OPCML: variants seen among roughly 807,000 people sequenced by gnomAD.
OPCML encodes the protein opioid binding protein/cell adhesion molecule like, also known as opioid-binding protein/cell adhesion molecule.
Under a neutral mutation model 37.8 loss-of-function variants are expected in OPCML, and 13 were observed. The ratio of observed to expected loss-of-function variants is 0.34; its 90% CI spans 0.22 to 0.55. OPCML has a LOEUF of 0.55. OPCML is among the 20% of genes least tolerant of loss of function. OPCML has a pLI of 0.91. For missense variants in OPCML, 341 were observed against 435.6 expected (o/e 0.78, Z 1.93); for synonymous variants, 176 against 168.8 (o/e 1.04, Z -0.33).
intron 7 of OPCML, among the ~76,000 whole-genome samples, chr11:132,434,090 C>A (rs2096005788): frequency 6.6e-6 from 1 of 152,132 alleles, no homozygotes; most frequent in Admixed American, 6.5e-5. Context: ...ATACTCCCTG[C>A]AACAGCAATC....
At chr11:132,768,090 G>A (rs759433030) in intron 2 of OPCML, among the ~76,000 whole-genome samples, 6 of 152,294 alleles carry the variant, frequency 3.9e-5, no homozygotes, top group East Asian at 1.9e-4. Flanking sequence ...ACACGTACAC[G>A]CTGTGGTATA....
Position 132,543,386 on chromosome 11 carries a change from G to A in OPCML, c.380-14200C>T, listed in dbSNP as rs145319728. Among the ~76,000 whole-genome samples, 190 of 152,002 alleles carry A rather than the reference G, an allele frequency of 1.2e-3. 3 individuals carry two copies. Among genetic ancestry groups the A allele is most frequent in the African/African-American group, 4.0e-3 (166 of 41,484 alleles). On this transcript the variant is annotated intron_variant, in intron 3 of 7. Coordinates refer to ENST00000524381, the MANE Select transcript of OPCML (RefSeq NM_001012393.5). ...CACACAGCCAGGCATGGTGGCATGCGCTTATAGTCCTGATTACTCGGGAGA... is the reference window on the plus strand; with the variant it reads ...CACACAGCCAGGCATGGTGGCATGCACTTATAGTCCTGATTACTCGGGAGA...
At chr11:132,431,311 G>A (rs545287091) in intron 7 of OPCML, among the ~76,000 whole-genome samples, 8 of 152,290 alleles carry the variant, frequency 5.3e-5, no homozygotes, top group East Asian at 3.9e-4. Flanking sequence ...TCTGTTTTAC[G>A]CATGACTTAG....
At chr11:132,579,385 A>ACGTG (rs147056078) in intron 3 of OPCML, among the ~76,000 whole-genome samples, 1 of 146,530 alleles carries the variant, frequency 6.8e-6, no homozygotes, top group Non-Finnish European at 1.5e-5. Context: ...TAGAATGAAT[A>ACGTG]TGTGTGTGTG....
rs529490366 is a variant in OPCML at position 133,286,676 on chromosome 11, G to A, written c.61+245588C>T. ...ATTTACTTGCTGGTCAGTAAGACTGGAGCCTGACCATCTACCTGCACTAAC... is the reference window on the plus strand; with the variant it reads ...ATTTACTTGCTGGTCAGTAAGACTGAAGCCTGACCATCTACCTGCACTAAC... On this transcript the variant is annotated intron_variant, in intron 1 of 7. Transcript: ENST00000524381. Among the ~76,000 whole-genome samples, 6 of 152,248 alleles carry A rather than the reference G, an allele frequency of 3.9e-5. No homozygotes were observed. In the South Asian group the frequency reaches 1.2e-3, roughly 32 times the overall value.
chr11:133,375,498 G>T (rs557538521), intron 1 of OPCML, among the ~76,000 whole-genome samples: 2 of 152,120 alleles, frequency 1.3e-5, no homozygotes, highest in African/African-American at 4.8e-5. Flanking sequence ...GCTACTTCTA[G>T]TAATGACTTG....
intron 1 of OPCML, among the ~76,000 whole-genome samples, chr11:133,021,547 T>G (rs1047137070): frequency 2.0e-5 from 3 of 152,010 alleles, no homozygotes; most frequent in Non-Finnish European, 4.4e-5. Context: ...GATAATCAAG[T>G]GGGCAGGGAG....
chr11:133,422,518 A>G, intron 1 of OPCML: 1 of 980,444 alleles, frequency 1.0e-6, no homozygotes, highest in Non-Finnish European at 1.2e-6. Context: ...TTCTGTTTTT[A>G]GAGACGGGGT....
chr11:132,987,155 G>C (rs1442609020), intron 1 of OPCML, among the ~76,000 whole-genome samples: 1 of 152,154 alleles, frequency 6.6e-6, no homozygotes, highest in Non-Finnish European at 1.5e-5. Flanking sequence ...GAAACTGTCT[G>C]TCTTGTGGAG....
At chr11:132,621,386 AG>A (rs1939398711) in intron 3 of OPCML, among the ~76,000 whole-genome samples, 1 of 152,214 alleles carries the variant, frequency 6.6e-6, no homozygotes. Flanking sequence ...AATGGCTAAA[AG>A]ATAAAAACCA....
intron 2 of OPCML, among the ~76,000 whole-genome samples, chr11:132,736,326 G>C (rs564117449): frequency 1.9e-4 from 29 of 152,324 alleles, no homozygotes; most frequent in African/African-American, 6.7e-4. Context: ...TGATGTAAAT[G>C]ATGAGATTCT....
intron 2 of OPCML, among the ~76,000 whole-genome samples, chr11:132,825,750 T>A (rs886069306): frequency 6.6e-6 from 1 of 152,212 alleles, no homozygotes; most frequent in African/African-American, 2.4e-5. Context: ...AATGCATTAT[T>A]AATTGGTAGA....
intron 2 of OPCML, among the ~76,000 whole-genome samples, chr11:132,894,636 A>C (rs1943769195): frequency 1.3e-5 from 2 of 152,212 alleles, no homozygotes; most frequent in African/African-American, 4.8e-5. Flanking sequence ...GAGTAGACCA[A>C]GTGGAGAAGA....
intron 4 of OPCML, among the ~76,000 whole-genome samples, chr11:132,463,460 C>A (rs1202060987): frequency 1.3e-5 from 2 of 152,182 alleles, no homozygotes; most frequent in Non-Finnish European, 2.9e-5. Context: ...GCTAAAAATG[C>A]AGAATCTCAG....
intron 2 of OPCML, among the ~76,000 whole-genome samples, chr11:132,793,789 C>A (rs1280527114): frequency 1.3e-5 from 2 of 152,170 alleles, no homozygotes; most frequent in Non-Finnish European, 2.9e-5. Flanking sequence ...TAGGCCCGGT[C>A]CTCTTCATCT....
chr11:132,973,216 A>G (rs1352340961), intron 1 of OPCML, among the ~76,000 whole-genome samples: 1 of 152,102 alleles, frequency 6.6e-6, no homozygotes. Flanking sequence ...CCTCCTTCTA[A>G]GGGATTTTAT....
intron 1 of OPCML, among the ~76,000 whole-genome samples, chr11:133,093,189 G>C (rs542332713): frequency 6.6e-6 from 1 of 151,956 alleles, no homozygotes; most frequent in Non-Finnish European, 1.5e-5. Context: ...AGTGTACCCT[G>C]TACCCAATGT....
intron 2 of OPCML, among the ~76,000 whole-genome samples, chr11:132,759,333 GTC>G (rs1236719653): frequency 2.0e-5 from 3 of 152,114 alleles, no homozygotes; most frequent in African/African-American, 7.2e-5. Flanking sequence ...TTAGTGAGGA[GTC>G]TCTCTTTTTC....
chr11:132,695,624 T>G (rs1943572927), intron 2 of OPCML, among the ~76,000 whole-genome samples: 1 of 152,164 alleles, frequency 6.6e-6, no homozygotes, highest in African/African-American at 2.4e-5. Context: ...CACTGTATAT[T>G]TATGTAATGA....
Sources: allele counts gnomAD v4.1 joint callset (sites outside exome capture counted in the v4.1 genomes callset), GRCh38; gene constraint gnomAD v4.1.1; transcripts MANE v1.5; gene names NCBI Gene and HGNC (gene_info 2026-07-23, HGNC 2026-07-21).